NCAM2: variants seen among roughly 807,000 people sequenced by gnomAD.
NCAM2 encodes the protein neural cell adhesion molecule 2, also known as N-CAM-2.
In NCAM2, 30 loss-of-function variants were observed where a neutral mutation model predicts 98.1. The ratio of observed to expected loss-of-function variants is 0.31; its 90% CI spans 0.23 to 0.41. NCAM2 has a LOEUF of 0.41. NCAM2 is among the 10% of genes least tolerant of loss of function. The pLI, the probability that NCAM2 is intolerant of heterozygous loss-of-function variation, is 1.00. For missense variants in NCAM2, 867 were observed against 1,005.8 expected (o/e 0.86, Z 1.87); for synonymous variants, 368 against 342.4 (o/e 1.07, Z -0.83).
chr21:21,284,482 CTTA>C (rs1020320385), intron 3 of NCAM2, 82 bp downstream of exon 3: 17 of 1,019,894 alleles, frequency 1.7e-5, no homozygotes, highest in Non-Finnish European at 2.5e-5. Flanking sequence ...TTTGATAACA[CTTA>C]TTAAGAACTA....
In NCAM2 at chr21:21,540,280, T is replaced by C. The variant is rs933301203; in HGVS notation, c.*2323T>C. ...ATATATATATACACATATATATATA[T>C]ACACATATATATACATATATATATA... is the stretch of plus-strand genomic sequence containing the variant. On this transcript the variant is annotated 3_prime_UTR_variant, in exon 18 of 18. Transcript: ENST00000400546. The C allele has an allele frequency of 6.8e-5, 8 of 117,816 alleles. No homozygotes were observed. Among genetic ancestry groups the C allele is most frequent in the African/African-American group, 1.4e-4 (4 of 29,614 alleles). 7.3% of individuals were successfully genotyped at this position (117,816 alleles called of 1,614,324 possible). A position where few individuals can be genotyped will look rare whatever the true frequency, so the allele number is the denominator to read the frequency against.
chr21:21,130,456 A>T (rs569032885), intron 1 of NCAM2, among the ~76,000 whole-genome samples: 1 of 152,128 alleles, frequency 6.6e-6, no homozygotes, highest in Non-Finnish European at 1.5e-5. Context: ...CAATCTCCCA[A>T]ACTTTTATTT....
chr21:21,303,325 A>G (rs1174913174), intron 5 of NCAM2, among the ~76,000 whole-genome samples: 3 of 152,132 alleles, frequency 2.0e-5, no homozygotes, highest in Non-Finnish European at 2.9e-5. Context: ...GAATGTATCT[A>G]TTATCCATAA....
At chr21:21,389,383 T>C (rs112703334) in intron 9 of NCAM2, among the ~76,000 whole-genome samples, 2,748 of 152,308 alleles carry the variant, frequency 0.018, 85 homozygotes, top group African/African-American at 0.063. Context: ...ATGGGAATTA[T>C]GGTAGCTACA....
At chr21:21,335,022 G>A (rs1269953893) in intron 6 of NCAM2, among the ~76,000 whole-genome samples, 3 of 151,766 alleles carry the variant, frequency 2.0e-5, no homozygotes, top group Non-Finnish European at 4.4e-5. Flanking sequence ...GTACTTATAT[G>A]CAATATACAT....
intron 1 of NCAM2, among the ~76,000 whole-genome samples, chr21:21,170,154 G>A (rs900379748): frequency 3.9e-5 from 6 of 152,150 alleles, no homozygotes; most frequent in African/African-American, 1.4e-4. Context: ...CATTGGTGGC[G>A]TGAATGGAAA....
At chr21:21,403,901 G>A (rs1299817338) in intron 9 of NCAM2, among the ~76,000 whole-genome samples, 2 of 152,062 alleles carry the variant, frequency 1.3e-5, no homozygotes, top group African/African-American at 4.8e-5. Flanking sequence ...TAGAATGTAT[G>A]AGCTCTGTCA....
At chr21:21,241,651 T>C (rs9983476) in intron 1 of NCAM2, among the ~76,000 whole-genome samples, 150,836 of 152,128 alleles carry the variant, frequency 0.99, 74,793 homozygotes, top group East Asian at 1. Context: ...GTGAAGGAAC[T>C]GCCAGGTTGT....
intron 1 of NCAM2, among the ~76,000 whole-genome samples, chr21:21,153,571 C>A (rs926316459): frequency 2.0e-5 from 3 of 151,836 alleles, no homozygotes; most frequent in Admixed American, 1.3e-4. Context: ...AGTGGAAAAG[C>A]AAACATCATG....
intron 6 of NCAM2, among the ~76,000 whole-genome samples, chr21:21,326,963 T>G (rs1325955994): frequency 6.6e-6 from 1 of 152,144 alleles, no homozygotes; most frequent in Non-Finnish European, 1.5e-5. Context: ...ATGTCCAGAC[T>G]GTTTCATAGA....
At chr21:21,151,706 C>T (rs943035948) in intron 1 of NCAM2, among the ~76,000 whole-genome samples, 1 of 152,000 alleles carries the variant, frequency 6.6e-6, no homozygotes, top group African/African-American at 2.4e-5. Context: ...AACTTGGGTC[C>T]TGATACTAAT....
At chr21:21,269,137 C>T (rs948144551) in intron 1 of NCAM2, among the ~76,000 whole-genome samples, 1 of 152,126 alleles carries the variant, frequency 6.6e-6, no homozygotes, top group East Asian at 1.9e-4. Context: ...CATCCTTTCC[C>T]TATCTTTATG....
chr21:21,475,021 TA>T (rs1984981816), intron 14 of NCAM2, among the ~76,000 whole-genome samples: 1 of 141,882 alleles, frequency 7.0e-6, no homozygotes, highest in Non-Finnish European at 1.5e-5. Flanking sequence ...TACATATATA[TA>T]ATACACATAT....
chr21:21,524,187 G>C (rs534914271), intron 16 of NCAM2, among the ~76,000 whole-genome samples: 3 of 152,152 alleles, frequency 2.0e-5, no homozygotes, highest in Admixed American at 6.6e-5. Context: ...AGCAAGGAAA[G>C]TTATCAGGTT....
intron 11 of NCAM2, among the ~76,000 whole-genome samples, chr21:21,419,131 AG>A (rs1375591442): frequency 2.0e-5 from 3 of 152,146 alleles, no homozygotes; most frequent in African/African-American, 7.2e-5. Context: ...ACATTTTTAT[AG>A]GTAACAATAC....
chr21:21,466,044 T>G (rs2146210357), intron 12 of NCAM2, among the ~76,000 whole-genome samples: 1 of 152,096 alleles, frequency 6.6e-6, no homozygotes, highest in African/African-American at 2.4e-5. Context: ...AAACTCAGAG[T>G]GAAAATACAA....
In NCAM2 at chr21:21,281,805, T is replaced by G. The variant is rs537211257; in HGVS notation, c.130+1153T>G. 2.1e-3 allele frequency among the ~76,000 whole-genome samples: 313 copies of G among 151,942 alleles called. 3 individuals carry two copies. Among genetic ancestry groups the G allele is most frequent in the African/African-American group, 7.1e-3 (295 of 41,544 alleles). On this transcript the variant is annotated intron_variant, in intron 2 of 17. Coordinates refer to ENST00000400546, the MANE Select transcript of NCAM2 (RefSeq NM_004540.5). ...ATAGACACTAGAAACATAAAATGCA[T>G]TATAAAAATTGTCTTGAGAATGACA...
chr21:21,452,895 A>G (rs1279039810), intron 12 of NCAM2, among the ~76,000 whole-genome samples: 1 of 101,608 alleles, frequency 9.8e-6, no homozygotes, highest in East Asian at 2.8e-4. Context: ...TATATTATAT[A>G]ATATATAATA....
intron 1 of NCAM2, among the ~76,000 whole-genome samples, chr21:21,215,570 A>C (rs997837110): frequency 2.0e-5 from 3 of 152,078 alleles, no homozygotes; most frequent in Admixed American, 6.6e-5. Context: ...AACAAAAACA[A>C]AAACAAAATT....
Sources: allele counts gnomAD v4.1 joint callset (sites outside exome capture counted in the v4.1 genomes callset), GRCh38; gene constraint gnomAD v4.1.1; transcripts MANE v1.5; gene names NCBI Gene and HGNC (gene_info 2026-07-23, HGNC 2026-07-21).